The following PISD variants were observed in gnomAD, a reference collection of about 807,000 sequenced individuals.
The protein encoded by PISD is phosphatidylserine decarboxylase proenzyme, mitochondrial.
In PISD, 31 loss-of-function variants were observed where a neutral mutation model predicts 43.5. That is an observed-to-expected ratio of 0.71 (90% CI 0.54 to 0.96). The LOEUF is 0.96. Among genes scored for constraint, PISD ranks in the 40% least tolerant of loss-of-function variants. PISD has a pLI of 0.00. For missense variants in PISD, 523 were observed against 548.4 expected (o/e 0.95, Z 0.46); for synonymous variants, 259 against 228.7 (o/e 1.13, Z -1.20).
chr22:31,621,186 A>T lies in PISD; in HGVS notation c.698-44T>A, dbSNP rs768564054. 1.9e-6 allele frequency: 3 copies of T among 1,613,484 alleles called. No homozygotes were observed. The East Asian group carries it at 6.7e-5, about 36-fold the overall frequency. On this transcript the variant is annotated intron_variant, in intron 5 of 7. Coordinates refer to ENST00000439502, the MANE Select transcript of PISD (RefSeq NM_001326411.2). ...CGTGGGGGCCACCAACACAGTGAGC[A>T]CCCAGCACGGAGCCCGAGTGTGGTC... is the stretch of plus-strand genomic sequence containing the variant.
chr22:31,629,469 T>C (rs916340026), intron 3 of PISD, among the ~76,000 whole-genome samples: 2 of 148,174 alleles, frequency 1.3e-5, no homozygotes, highest in Non-Finnish European at 3.0e-5. Flanking sequence ...TGTGTGCATG[T>C]AGGAGGCATG....
At chr22:31,656,582 G>A (rs1033636993) in intron 1 of PISD, among the ~76,000 whole-genome samples, 4 of 151,382 alleles carry the variant, frequency 2.6e-5, no homozygotes, top group African/African-American at 7.3e-5. Context: ...CTGGGAGACG[G>A]AGGTTGCAGG....
In PISD at chr22:31,621,828, T is replaced by G; in HGVS notation, c.379A>C (p.Asn127His). ...AGCCAGTGTGGCAGCTCCACCTGAT[T>G]GAGGCGACCCCAGGCCCGTGACAGC... ...RLLSRAWGRL[N>H]QVELPHWLRR... Residue 127 changes from asparagine (N) to histidine (H), a missense_variant, in exon 4 of 8, where the codon AAT (asparagine) becomes CAT (histidine). Asn to His is a moderately conservative substitution (Grantham distance 68, BLOSUM62 1). Transcript: ENST00000439502. The G allele has an allele frequency of 1.2e-6, 2 of 1,613,008 alleles. No homozygotes were observed. Among genetic ancestry groups the G allele is most frequent in the South Asian group, 2.2e-5 (2 of 91,086 alleles).
upstream of PISD, chr22:31,662,469 C>T (rs562233545): frequency 1.9e-6 from 1 of 525,248 alleles, no homozygotes; most frequent in African/African-American, 1.9e-5. Flanking sequence ...GGGTGCCTTT[C>T]CTCATGTACC....
At chr22:31,662,258 A>C (rs2074344698), upstream of PISD, 1 of 1,562,254 alleles carries the variant, frequency 6.4e-7, no homozygotes. Flanking sequence ...CGCTGGGCGC[A>C]CGCTTAAGGC....
At chr22:31,662,292 G>A (rs554656768), upstream of PISD, 8 of 1,387,292 alleles carry the variant, frequency 5.8e-6, no homozygotes, top group East Asian at 6.8e-5. Context: ...AGTTCAGTGG[G>A]CCAATGAGAA....
chr22:31,640,880 G>GTTTTTTTTTTCTTTT (rs2073690668), intron 3 of PISD, among the ~76,000 whole-genome samples: 1 of 24,596 alleles, frequency 4.1e-5, no homozygotes. Context: ...CACACCCGGT[G>GTTTTTTTTTTCTTTT]TTTTTTTTTT....
At chr22:31,636,393 A>C (rs2073435549) in intron 3 of PISD, among the ~76,000 whole-genome samples, 1 of 152,316 alleles carries the variant, frequency 6.6e-6, no homozygotes, top group South Asian at 2.1e-4. Flanking sequence ...GCTGCTCCCC[A>C]AACACCTCAG....
chr22:31,637,186 T>A (rs540567492), intron 3 of PISD, among the ~76,000 whole-genome samples: 3 of 79,856 alleles, frequency 3.8e-5, no homozygotes, highest in African/African-American at 1.0e-4. Context: ...TATATATATA[T>A]ATATATATAT....
intron 7 of PISD, among the ~76,000 whole-genome samples, chr22:31,620,230 C>T (rs28760352): frequency 0.016 from 2,462 of 152,336 alleles, 61 homozygotes; most frequent in African/African-American, 0.055. Flanking sequence ...TGAGCCACCC[C>T]GAGCTCAACA....
chr22:31,662,355 A>G (rs2074347351), upstream of PISD: 2 of 765,852 alleles, frequency 2.6e-6, no homozygotes, highest in Non-Finnish European at 4.4e-6. Flanking sequence ...GCTACTCCCC[A>G]CCTAACCCGC....
At chr22:31,623,336 T>C (rs111365387) in intron 3 of PISD, among the ~76,000 whole-genome samples, 1,762 of 152,340 alleles carry the variant, frequency 0.012, 28 homozygotes, top group South Asian at 0.043. Context: ...CAAAATCACC[T>C]ATAAGCTCTT....
intron 3 of PISD, among the ~76,000 whole-genome samples, chr22:31,639,142 C>T (rs921857597): frequency 2.7e-4 from 41 of 151,526 alleles, no homozygotes; most frequent in African/African-American, 9.9e-4. Flanking sequence ...CACAGGCACA[C>T]ACACCACCAC....
At chr22:31,624,695 T>C (rs1603397593) in intron 3 of PISD, among the ~76,000 whole-genome samples, 5 of 112,740 alleles carry the variant, frequency 4.4e-5, no homozygotes, top group East Asian at 2.7e-4. Flanking sequence ...CCCAAGCCCC[T>C]CCTTTCAGCA....
chr22:31,619,952 A>C, intron 7 of PISD, 116 bp from the exon 8 acceptor site: 1 of 690,470 alleles, frequency 1.4e-6, no homozygotes, highest in Non-Finnish European at 2.5e-6. Context: ...CACCCAACCC[A>C]GCTCCAAAAG....
intron 3 of PISD, among the ~76,000 whole-genome samples, chr22:31,624,808 C>T (rs1257997968): frequency 6.6e-6 from 1 of 152,024 alleles, no homozygotes; most frequent in African/African-American, 2.4e-5. Flanking sequence ...TCCGGCCTCT[C>T]CCCACCCTCC....
intron 1 of PISD, among the ~76,000 whole-genome samples, chr22:31,660,868 G>A (rs1177881622): frequency 1.3e-5 from 2 of 152,008 alleles, no homozygotes; most frequent in Non-Finnish European, 2.9e-5. Context: ...CAAGTAGCTG[G>A]GATTACAGGT....
chr22:31,637,787 G>A (rs1649451360), intron 3 of PISD, among the ~76,000 whole-genome samples: 2 of 152,170 alleles, frequency 1.3e-5, no homozygotes, highest in South Asian at 2.1e-4. Flanking sequence ...CAAGTGTCCC[G>A]CTCCCCTCAC....
At chr22:31,650,855 C>A in intron 1 of PISD, 77 bp from the exon 2 acceptor site, 1 of 816,520 alleles carries the variant, frequency 1.2e-6, no homozygotes, top group Non-Finnish European at 2.0e-6. Context: ...AAAATTTAAA[C>A]ACTCAATAAC....
Sources: allele counts gnomAD v4.1 joint callset (sites outside exome capture counted in the v4.1 genomes callset), GRCh38; gene constraint gnomAD v4.1.1; transcripts MANE v1.5; gene names NCBI Gene and HGNC (gene_info 2026-07-23, HGNC 2026-07-21).